EPG5: variants seen among roughly 807,000 people sequenced by gnomAD.
EPG5 encodes ectopic P-granules 5 autophagy tethering factor.
In EPG5, 159 loss-of-function variants were observed where a neutral mutation model predicts 302.7. That is an observed-to-expected ratio of 0.53 (90% CI 0.46 to 0.60). The LOEUF is 0.60. Ranked by LOEUF, EPG5 falls within the 20% of genes least tolerant of loss-of-function variation. The pLI is 0.00. For missense variants in EPG5, 2,896 were observed against 3,092.4 expected, an observed-to-expected ratio of 0.94 and a Z score of 1.51; for synonymous variants, 1,158 against 1,136.8, an observed-to-expected ratio of 1.02 and a Z score of -0.37.
the EPG5 span, among the ~76,000 whole-genome samples, chr18:45,833,884 G>A: frequency 6.6e-6 from 1 of 151,968 alleles, no homozygotes; most frequent in African/African-American, 2.4e-5. Flanking sequence ...ATACAGAGGT[G>A]AACAAATTAA....
chr18:45,814,488 G>C, the EPG5 span, among the ~76,000 whole-genome samples: 62 of 152,314 alleles, frequency 4.1e-4, no homozygotes, highest in South Asian at 1.0e-3. Context: ...GGCAGATTTT[G>C]TATATGGAAT....
downstream of EPG5, among the ~76,000 whole-genome samples, chr18:45,844,327 C>T (rs2048348723): frequency 2.0e-5 from 3 of 151,322 alleles, no homozygotes; most frequent in Non-Finnish European, 2.9e-5. Context: ...ACTGTTAGAA[C>T]GAATAAGATC....
At chr18:45,896,464 C>T (rs1248859495) in intron 27 of EPG5, among the ~76,000 whole-genome samples, 1 of 152,210 alleles carries the variant, frequency 6.6e-6, no homozygotes, top group African/African-American at 2.4e-5. Context: ...ATTCTTTACG[C>T]TTCTGCAACA....
intron 8 of EPG5, 70 bp downstream of exon 8, chr18:45,943,935 G>C: frequency 1.1e-6 from 1 of 947,796 alleles, no homozygotes; most frequent in Non-Finnish European, 1.7e-6. Flanking sequence ...AAAAAAAGAA[G>C]ACTCAATGCA....
intron 17 of EPG5, among the ~76,000 whole-genome samples, chr18:45,917,079 A>C (rs1380733773): frequency 6.6e-6 from 1 of 152,166 alleles, no homozygotes; most frequent in Non-Finnish European, 1.5e-5. Flanking sequence ...TTGGAGACAT[A>C]CTGCTTGAAA....
chr18:45,913,065 C>A (rs9955829), intron 21 of EPG5, among the ~76,000 whole-genome samples: 1 of 148,498 alleles, frequency 6.7e-6, no homozygotes, highest in Non-Finnish European at 1.5e-5. Flanking sequence ...AATTCCAGCC[C>A]GGGCGACAGG....
the EPG5 span, among the ~76,000 whole-genome samples, chr18:45,808,372 C>T: frequency 2.0e-5 from 3 of 152,016 alleles, no homozygotes; most frequent in Admixed American, 6.6e-5. Flanking sequence ...ACAAGAAACA[C>T]AAAAAACACC....
chr18:45,886,379 T>A (rs1034971681), intron 29 of EPG5, among the ~76,000 whole-genome samples: 19 of 152,196 alleles, frequency 1.2e-4, no homozygotes, highest in African/African-American at 3.9e-4. Context: ...ATGATATAGG[T>A]CTGTATTTAT....
chr18:45,946,996 TACACTAGC>T (rs1205310284), intron 6 of EPG5, among the ~76,000 whole-genome samples: 1 of 152,242 alleles, frequency 6.6e-6, no homozygotes, highest in Non-Finnish European at 1.5e-5. Flanking sequence ...GAAAAGCAGC[TACACTAGC>T]ACAGCTCCCT....
chr18:45,954,155 C>T (rs775760790), intron 2 of EPG5, among the ~76,000 whole-genome samples: 4 of 152,238 alleles, frequency 2.6e-5, no homozygotes, highest in Non-Finnish European at 5.9e-5. Flanking sequence ...AACTTGAGAA[C>T]GGCTGTCCCA....
intron 10 of EPG5, among the ~76,000 whole-genome samples, chr18:45,935,628 T>C (rs2050506609): frequency 6.6e-6 from 1 of 151,862 alleles, no homozygotes; most frequent in East Asian, 1.9e-4. Flanking sequence ...GCACACACAG[T>C]AGTGGGTGGC....
chr18:45,937,724 T>C (rs1284159764), intron 10 of EPG5, among the ~76,000 whole-genome samples: 1 of 152,064 alleles, frequency 6.6e-6, no homozygotes, highest in African/African-American at 2.4e-5. Flanking sequence ...ATATTTTTGT[T>C]GTCTGTCTTT....
the EPG5 span, among the ~76,000 whole-genome samples, chr18:45,802,039 G>T: frequency 6.6e-6 from 1 of 152,110 alleles, no homozygotes; most frequent in African/African-American, 2.4e-5. Context: ...ACCTCACCCT[G>T]CAGTGTCCAC....
the EPG5 span, among the ~76,000 whole-genome samples, chr18:45,816,293 A>C: frequency 3.3e-5 from 5 of 152,214 alleles, no homozygotes; most frequent in South Asian, 4.1e-4. Flanking sequence ...GCTTGGACTT[A>C]ATTAAACTAA....
chr18:45,902,312 C>A (rs1304868626), intron 25 of EPG5, among the ~76,000 whole-genome samples: 1 of 152,212 alleles, frequency 6.6e-6, no homozygotes, highest in East Asian at 1.9e-4. Flanking sequence ...CTAGAACTAA[C>A]TACTCTTTGC....
At chr18:45,943,065 G>C in intron 9 of EPG5, 96 bp downstream of exon 9, 1 of 1,219,960 alleles carries the variant, frequency 8.2e-7, no homozygotes. Context: ...TAAGACCTGA[G>C]GTTTACAACT....
intron 27 of EPG5, among the ~76,000 whole-genome samples, chr18:45,897,992 A>G (rs2049518562): frequency 6.6e-6 from 1 of 152,246 alleles, no homozygotes; most frequent in African/African-American, 2.4e-5. Context: ...AGGCAGTGCT[A>G]ATCTCCAAGC....
At chr18:45,938,594 CT>C (rs1277468215) in intron 10 of EPG5, among the ~76,000 whole-genome samples, 1 of 152,044 alleles carries the variant, frequency 6.6e-6, no homozygotes, top group Non-Finnish European at 1.5e-5. Context: ...CTAGATTATT[CT>C]ATTCCCCAGA....
At chr18:45,812,509 C>A in the EPG5 span, among the ~76,000 whole-genome samples, 3 of 152,192 alleles carry the variant, frequency 2.0e-5, no homozygotes, top group Non-Finnish European at 2.9e-5. Flanking sequence ...CACTACCTGA[C>A]TTCAAACTAT....
Sources: gnomAD v4.1 joint callset for allele counts (sites outside exome capture counted in the v4.1 genomes callset) on GRCh38, gnomAD v4.1.1 for gene constraint, MANE v1.5 for transcripts, NCBI Gene and HGNC (gene_info 2026-07-23, HGNC 2026-07-21) for gene names.